The following ZFHX3 variants were observed in gnomAD, a reference collection of about 807,000 sequenced individuals.
ZFHX3 encodes the protein zinc finger homeobox protein 3.
In ZFHX3, 42 loss-of-function variants were observed where a neutral mutation model predicts 279.1. The ratio of observed to expected loss-of-function variants is 0.15; its 90% confidence interval spans 0.12 to 0.19. ZFHX3 has a LOEUF of 0.19. ZFHX3 is among the 10% of genes least tolerant of loss of function. The pLI is 1.00. For missense variants in ZFHX3, 4,981 were observed against 4,754.0 expected, an observed-to-expected ratio of 1.05 and a Z score of -1.40; for synonymous variants, 2,293 against 1,957.8, an observed-to-expected ratio of 1.17 and a Z score of -4.52.
intron 4 of ZFHX3, among the ~76,000 whole-genome samples, chr16:73,308,759 G>A (rs2015253886): frequency 1.3e-5 from 2 of 151,762 alleles, no homozygotes; most frequent in Non-Finnish European, 2.9e-5. Flanking sequence ...ATGAGTATTA[G>A]ACTTTTTTTT....
At chr16:73,877,702 T>C (rs1162845509) in intron 1 of ZFHX3, among the ~76,000 whole-genome samples, 1 of 152,110 alleles carries the variant, frequency 6.6e-6, no homozygotes, top group Non-Finnish European at 1.5e-5. Context: ...CAGGGAAATA[T>C]AGATTATATT....
chr16:73,330,708 G>A (rs2015785717), intron 3 of ZFHX3, among the ~76,000 whole-genome samples: 1 of 152,120 alleles, frequency 6.6e-6, no homozygotes, highest in Non-Finnish European at 1.5e-5. Context: ...TGAGATTGAG[G>A]GGAGGATGGG....
intron 7 of ZFHX3, among the ~76,000 whole-genome samples, chr16:73,123,048 T>A (rs55940116): frequency 0.15 from 21,888 of 150,022 alleles, 1,985 homozygotes; most frequent in South Asian, 0.27. Context: ...GCAGGAAGAG[T>A]GTCAGATGTT....
intron 2 of ZFHX3, among the ~76,000 whole-genome samples, chr16:73,599,460 C>T (rs922752408): frequency 8.5e-5 from 13 of 152,250 alleles, no homozygotes; most frequent in Non-Finnish European, 5.9e-5. Context: ...AATGGCTGCA[C>T]AGCATTACAG....
At chr16:73,019,265 G>A (rs928320735) in intron 1 of ZFHX3, among the ~76,000 whole-genome samples, 3 of 152,192 alleles carry the variant, frequency 2.0e-5, no homozygotes, top group Admixed American at 1.3e-4. Flanking sequence ...GTCTCAGGAA[G>A]GTGGCTCTCA....
At chr16:73,749,404 C>T (rs893754422) in intron 1 of ZFHX3, among the ~76,000 whole-genome samples, 20 of 152,130 alleles carry the variant, frequency 1.3e-4, no homozygotes, top group Non-Finnish European at 2.6e-4. Flanking sequence ...GTTCCCTCAT[C>T]TCTGGAACTA....
intron 5 of ZFHX3, among the ~76,000 whole-genome samples, chr16:73,222,493 C>T (rs1388633710): frequency 6.6e-6 from 1 of 151,890 alleles, no homozygotes; most frequent in Non-Finnish European, 1.5e-5. Context: ...AAATGAAATA[C>T]CTAGGTATAA....
chr16:73,426,173 T>C (rs6564189), intron 3 of ZFHX3, among the ~76,000 whole-genome samples: 35,705 of 152,044 alleles, frequency 0.23, 6,699 homozygotes, highest in African/African-American at 0.49. Context: ...TGGTGACAAA[T>C]GGGCTCTCTG....
Position 73,148,555 on chromosome 16 carries a change from C to CTTTTT in ZFHX3, c.-1103-4729_-1103-4725dup, listed in dbSNP as rs36018349. On this transcript the variant is annotated intron_variant, in intron 5 of 17. Transcript: ENST00000641206. The stretch of plus-strand genomic sequence containing the variant: ...GCGCCTTCGTCTGGCAAATGCTGGG[C>CTTTTT]TTTTTTTTTTTTTTTTTTTTTTTTT... Among the ~76,000 whole-genome samples, 24 of 55,410 alleles carry CTTTTT rather than the reference C, an allele frequency of 4.3e-4. 1 individual carries two copies. Among genetic ancestry groups the CTTTTT allele is most frequent in the Admixed American group, 9.3e-4 (3 of 3,214 alleles). The allele number at this position is 55,410 out of a possible 152,430, so 36.4% of individuals were successfully genotyped here. A position where few individuals can be genotyped will look rare whatever the true frequency, so the allele number is the denominator to read the frequency against.
At chr16:73,604,400 A>C (rs569821880) in intron 2 of ZFHX3, among the ~76,000 whole-genome samples, 2 of 152,266 alleles carry the variant, frequency 1.3e-5, no homozygotes, top group African/African-American at 4.8e-5. Flanking sequence ...AATCCACTGG[A>C]AACATAGGTC....
At chr16:73,075,155 A>G (rs1661454388) in intron 8 of ZFHX3, among the ~76,000 whole-genome samples, 1 of 152,126 alleles carries the variant, frequency 6.6e-6, no homozygotes, top group East Asian at 1.9e-4. Flanking sequence ...ATTACCTACT[A>G]AAAGGAAGAT....
chr16:73,184,054 C>G (rs761090359), intron 5 of ZFHX3, among the ~76,000 whole-genome samples: 9 of 152,088 alleles, frequency 5.9e-5, no homozygotes, highest in Non-Finnish European at 7.3e-5. Flanking sequence ...GGTCTGTGTC[C>G]TTGGCTTTGA....
At chr16:73,735,487 A>G (rs2142254087) in intron 1 of ZFHX3, among the ~76,000 whole-genome samples, 1 of 152,190 alleles carries the variant, frequency 6.6e-6, no homozygotes, top group South Asian at 2.1e-4. Context: ...TATCTCAAAT[A>G]AGTGGAATCA....
intron 3 of ZFHX3, among the ~76,000 whole-genome samples, chr16:73,385,996 T>C (rs1179779807): frequency 6.7e-6 from 1 of 149,868 alleles, no homozygotes; most frequent in Non-Finnish European, 1.5e-5. Flanking sequence ...TGGTGGGGGG[T>C]GGGGGGTTAC....
At chr16:73,286,706 G>T (rs2014610429) in intron 4 of ZFHX3, among the ~76,000 whole-genome samples, 3 of 148,958 alleles carry the variant, frequency 2.0e-5, no homozygotes, top group Non-Finnish European at 4.5e-5. Flanking sequence ...TGAGTGTGTG[G>T]GTGTGTGGGT....
chr16:73,287,980 T>A (rs2014672642), intron 4 of ZFHX3, among the ~76,000 whole-genome samples: 1 of 152,058 alleles, frequency 6.6e-6, no homozygotes, highest in African/African-American at 2.4e-5. Context: ...CTTCTTGCTG[T>A]CCCCTCCGTT....
chr16:73,314,164 A>G (rs72797400), intron 4 of ZFHX3, among the ~76,000 whole-genome samples: 2,435 of 152,296 alleles, frequency 0.016, 36 homozygotes, highest in South Asian at 0.048. Context: ...GGTCTCATCT[A>G]ATCAGTGGAA....
chr16:73,412,115 C>G (rs535137340), intron 3 of ZFHX3, among the ~76,000 whole-genome samples: 1 of 152,050 alleles, frequency 6.6e-6, no homozygotes, highest in East Asian at 1.9e-4. Context: ...CACTTGAGCC[C>G]AGGAGTTTGA....
At chr16:73,376,713 C>A (rs1029453517) in intron 3 of ZFHX3, among the ~76,000 whole-genome samples, 1 of 152,046 alleles carries the variant, frequency 6.6e-6, no homozygotes, top group Non-Finnish European at 1.5e-5. Flanking sequence ...ATGTGGCAGT[C>A]GTGAGGAGGA....
Sources: gnomAD v4.1 joint callset for allele counts (sites outside exome capture counted in the v4.1 genomes callset) on GRCh38, gnomAD v4.1.1 for gene constraint, MANE v1.5 for transcripts, NCBI Gene and HGNC (gene_info 2026-07-23, HGNC 2026-07-21) for gene names.